The following CPLANE1 variants were observed in gnomAD, a reference collection of about 807,000 sequenced individuals.
CPLANE1 encodes the protein ciliogenesis and planar polarity effector 1.
In CPLANE1, 263 loss-of-function variants were observed where a neutral mutation model predicts 362.5. The ratio of observed to expected loss-of-function variants is 0.73; its 90% CI spans 0.66 to 0.80. CPLANE1 has a LOEUF of 0.80. Among genes scored for constraint, CPLANE1 ranks in the 30% least tolerant of loss-of-function variants. The pLI is 0.00. For missense variants in CPLANE1, 3,461 were observed against 3,793.4 expected (o/e 0.91, Z 2.30); for synonymous variants, 1,212 against 1,302.6 (o/e 0.93, Z 1.50).
At chr5:37,212,974 C>T (rs1793043867) in intron 16 of CPLANE1, among the ~76,000 whole-genome samples, 1 of 152,182 alleles carries the variant, frequency 6.6e-6, no homozygotes, top group South Asian at 2.1e-4. Flanking sequence ...GCAGGGAGGC[C>T]AAGGCAGGTG....
chr5:37,157,949 A>T, intron 39 of CPLANE1, 81 bp from the exon 40 acceptor site: 1 of 881,600 alleles, frequency 1.1e-6, no homozygotes, highest in Non-Finnish European at 1.6e-6. Context: ...AAAAAAAAAA[A>T]AAAAAAAAAG....
At chr5:37,080,903 C>T in the CPLANE1 span, among the ~76,000 whole-genome samples, 50 of 152,338 alleles carry the variant, frequency 3.3e-4, no homozygotes, top group African/African-American at 1.2e-3. Context: ...CTGGCACGCA[C>T]TTACCACATA....
rs1348223180 is a variant in CPLANE1, at chr5:37,182,970, T to G, written c.5211A>C (p.Leu1737=). Residue 1737 remains leucine (L), a synonymous_variant, in exon 26 of 53, where the codon CTA becomes CTC. Coordinates refer to ENST00000651892, the MANE Select transcript of CPLANE1 (RefSeq NM_001384732.1). ...GTCTTCCTATACTGCCAAAAGTGTT[T>G]AGTGCTAAAGGAAGATCTTCTTGAG... ...INPQEDLPLA[L]NTFGSIGRLL... 3 of 1,607,224 alleles carry G rather than the reference T, an allele frequency of 1.9e-6. No homozygotes were observed. In the African/African-American group the frequency reaches 4.0e-5, roughly 22 times the overall value.
chr5:37,086,790 G>A, the CPLANE1 span, among the ~76,000 whole-genome samples: 10 of 152,206 alleles, frequency 6.6e-5, no homozygotes, highest in African/African-American at 2.4e-4. Flanking sequence ...GGACCTTCAA[G>A]CTGGAATGAC....
intron 8 of CPLANE1, among the ~76,000 whole-genome samples, chr5:37,235,442 A>G (rs1798745919): frequency 3.9e-5 from 6 of 152,154 alleles, no homozygotes; most frequent in Admixed American, 3.9e-4. Flanking sequence ...ATAAATCTAC[A>G]GATTCAATGC....
At chr5:37,121,547 G>T in intron 49 of CPLANE1, 70 bp downstream of exon 49, 2 of 1,448,300 alleles carry the variant, frequency 1.4e-6, no homozygotes, top group Admixed American at 1.8e-5. Context: ...CTTAGGTCAC[G>T]AAAGTGCTAC....
chr5:37,096,886 T>TA, the CPLANE1 span, among the ~76,000 whole-genome samples: 62 of 150,802 alleles, frequency 4.1e-4, no homozygotes, highest in South Asian at 1.9e-3. Context: ...ATGGCCATAG[T>TA]AAAAAAAAAG....
chr5:37,198,786 CAGG>C lies in CPLANE1; in HGVS notation c.3585_3587del (p.Leu1197del). 1.2e-6 allele frequency: 2 copies of C among 1,614,034 alleles called. No individual in the cohort carries two copies. Among genetic ancestry groups the C allele is most frequent in the Non-Finnish European group, 1.7e-6 (2 of 1,180,002 alleles). On this transcript the variant is annotated inframe_deletion, in exon 20 of 53. Transcript: ENST00000651892. ...AAGAACACTGAGCCGCCCGGAAAAGCAGGAGAACACGCTGAAGGATTCCAGATA... is the reference window on the plus strand; with the variant it reads ...AAGAACACTGAGCCGCCCGGAAAAGCAGAACACGCTGAAGGATTCCAGATA...
intron 46 of CPLANE1, among the ~76,000 whole-genome samples, chr5:37,137,941 G>A (rs1329586161): frequency 6.7e-6 from 1 of 149,250 alleles, no homozygotes; most frequent in Non-Finnish European, 1.5e-5. Flanking sequence ...TTAATTTATT[G>A]AGACTTGCTT....
intron 16 of CPLANE1, chr5:37,211,621 T>C: frequency 1.2e-6 from 1 of 843,488 alleles, no homozygotes; most frequent in East Asian, 2.4e-5. Flanking sequence ...GAAATATATC[T>C]GGAAGGTCTG....
chr5:37,201,608 G>T lies in CPLANE1; in HGVS notation c.3490C>A (p.Pro1164Thr), dbSNP rs147670074. 1.2e-6 allele frequency: 2 copies of T among 1,613,580 alleles called. No homozygotes were observed. Among genetic ancestry groups the T allele is most frequent in the East Asian group, 2.2e-5 (1 of 44,866 alleles). Residue 1164 changes from proline to threonine, a missense_variant, in exon 19 of 53, where the codon CCA becomes ACA. Around this residue, in one of 2 missense-constraint regions of CPLANE1, gnomAD observed 3,380 missense variants for 3,666.1 expected, o/e 0.92. Transcript: ENST00000651892. ...LPAPPLYCPQ[P>T]AILSEEDGDD... ...AAGCTTACTTCACTAAGAATAGCTG[G>T]CTGGGGACAGTACAATGGAGGAGCT...
At position 37,221,404 on chromosome 5, in the gene CPLANE1, G is replaced by A. The variant is rs2150361119; in HGVS notation, c.2666C>T (p.Ala889Val). The change falls in exon 15 of 53, where the codon GCT becomes GTT. Residue 889 changes from alanine to valine, a missense_variant. Ala to Val is a moderately conservative substitution (Grantham distance 64). This residue lies in a region of CPLANE1 where 3,380 missense variants were observed against 3,666.1 expected (regional missense o/e 0.92). Coordinates refer to ENST00000651892, the MANE Select transcript of CPLANE1 (RefSeq NM_001384732.1). Reference protein sequence around the residue: ...CHLYSYNLNDAQGLCDQLARE... With the variant: ...CHLYSYNLNDVQGLCDQLARE... The stretch of plus-strand genomic sequence containing the variant: ...TGCTAGCTGATCACACAATCCTTGA[G>A]CATCATTTAAATTATAGCTATAGAG... 6.5e-7 allele frequency: 1 copy of A among 1,539,126 alleles called. No individual in the cohort carries two copies.
chr5:37,201,777 T>G lies in CPLANE1; in HGVS notation c.3321A>C (p.Leu1107=). The change falls in exon 19 of 53, where the codon CTA becomes CTC. Residue 1107 remains leucine (L), a synonymous_variant. Coordinates refer to ENST00000651892, the MANE Select transcript of CPLANE1 (RefSeq NM_001384732.1). Reference sequence around the variant, plus strand: ...TCAGTACTTCTTGTACTGAACCAAATAGCAGATTTGCATCTTCCTCTTCAA... The same window carrying G: ...TCAGTACTTCTTGTACTGAACCAAAGAGCAGATTTGCATCTTCCTCTTCAA... ...DPIEEEDANL[L]FGSVQEVLKA... is the part of the protein sequence containing the mutation. 6 of 1,613,366 alleles carry G rather than the reference T, an allele frequency of 3.7e-6. No individual in the cohort carries two copies. The highest frequency in any genetic ancestry group is 5.1e-6 in the Non-Finnish European group (6 of 1,179,570).
At chr5:37,224,407 C>T (rs890641588) in intron 13 of CPLANE1, 74 bp from the exon 14 acceptor site, 1 of 1,315,670 alleles carries the variant, frequency 7.6e-7, no homozygotes, top group Admixed American at 2.4e-5. Flanking sequence ...GTTTTAAAAT[C>T]CAGTTAATGG....
intron 8 of CPLANE1, among the ~76,000 whole-genome samples, chr5:37,232,931 A>G (rs1405077642): frequency 6.6e-6 from 1 of 151,814 alleles, no homozygotes; most frequent in Non-Finnish European, 1.5e-5. Context: ...GAGAGGAACC[A>G]TGGACTGTCC....
At chr5:37,077,606 C>CT in the CPLANE1 span, among the ~76,000 whole-genome samples, 2,339 of 75,894 alleles carry the variant, frequency 0.031, 128 homozygotes, top group Admixed American at 0.054. Flanking sequence ...GTGTGTGTGT[C>CT]TTTTTTTTTT....
chr5:37,191,371 T>G (rs978074175), intron 21 of CPLANE1, among the ~76,000 whole-genome samples: 16 of 151,988 alleles, frequency 1.1e-4, no homozygotes, highest in Admixed American at 1.0e-3. Flanking sequence ...GTCTCTATTT[T>G]ACAAATAAAA....
At chr5:37,152,044 C>T (rs1055020491) in intron 42 of CPLANE1, among the ~76,000 whole-genome samples, 1 of 152,142 alleles carries the variant, frequency 6.6e-6, no homozygotes, top group Non-Finnish European at 1.5e-5. Context: ...TAAAGGTGTA[C>T]TATAAACCTA....
chr5:37,215,525 C>T (rs562390933), intron 15 of CPLANE1, among the ~76,000 whole-genome samples: 4 of 152,178 alleles, frequency 2.6e-5, no homozygotes, highest in South Asian at 4.1e-4. Flanking sequence ...AAGTTATACA[C>T]GAATTTTTGA....
Sources: gnomAD v4.1 joint callset for allele counts (sites outside exome capture counted in the v4.1 genomes callset) on GRCh38, gnomAD v4.1.1 for gene constraint, gnomAD v4.1.1 regional missense constraint, MANE v1.5 for transcripts, NCBI Gene and HGNC (gene_info 2026-07-23, HGNC 2026-07-21) for gene names.